Variants in MLLT3 observed in about 807,000 individuals in gnomAD.
The protein encoded by MLLT3 is protein AF-9.
In MLLT3, 4 loss-of-function variants were observed where a neutral mutation model predicts 53.2. The ratio of observed to expected loss-of-function variants is 0.08; its 90% CI spans 0.04 to 0.17. The LOEUF (loss-of-function observed/expected upper bound fraction) is 0.17. MLLT3 is among the 10% of genes least tolerant of loss of function. The pLI is 1.00. For missense variants in MLLT3, 569 were observed against 684.0 expected (o/e 0.83, Z 1.87); for synonymous variants, 283 against 230.6 (o/e 1.23, Z -2.06).
intron 2 of MLLT3, among the ~76,000 whole-genome samples, chr9:20,512,366 T>C (rs1020882006): frequency 2.0e-5 from 3 of 152,316 alleles, no homozygotes; most frequent in African/African-American, 7.2e-5. Context: ...TATGTTCTCC[T>C]AACCTTAAAA....
At chr9:20,444,442 G>T (rs1423202390) in intron 4 of MLLT3, among the ~76,000 whole-genome samples, 1 of 151,994 alleles carries the variant, frequency 6.6e-6, no homozygotes, top group Non-Finnish European at 1.5e-5. Context: ...AAAGAATAAA[G>T]ATCTCAAAGG....
intron 2 of MLLT3, among the ~76,000 whole-genome samples, chr9:20,489,034 T>C (rs1824882043): frequency 6.6e-6 from 1 of 152,186 alleles, no homozygotes; most frequent in Non-Finnish European, 1.5e-5. Context: ...TTTTAGACAG[T>C]ATCTAAGTGT....
intron 5 of MLLT3, among the ~76,000 whole-genome samples, chr9:20,393,704 A>G (rs1822249373): frequency 6.6e-6 from 1 of 152,194 alleles, no homozygotes; most frequent in African/African-American, 2.4e-5. Context: ...AAGTAATGCT[A>G]GTTGACAGAG....
At chr9:20,590,075 T>C (rs548035544) in intron 2 of MLLT3, among the ~76,000 whole-genome samples, 16 of 152,268 alleles carry the variant, frequency 1.1e-4, no homozygotes, top group South Asian at 8.3e-4. Context: ...GAACAGCCCA[T>C]TTACAAAGTC....
chr9:20,401,067 G>C (rs185499411), intron 5 of MLLT3, among the ~76,000 whole-genome samples: 1 of 152,104 alleles, frequency 6.6e-6, no homozygotes, highest in African/African-American at 2.4e-5. Flanking sequence ...GAGAAAAAGG[G>C]AGAGTCACAG....
Position 20,622,298 on chromosome 9 carries a change from C to A in MLLT3, c.-42G>T. 3.3e-6 allele frequency: 5 copies of A among 1,508,914 alleles called. No homozygotes were observed. The highest frequency in any genetic ancestry group is 4.5e-6 in the Non-Finnish European group (5 of 1,121,160). 93.5% of individuals were successfully genotyped at this position (1,508,914 alleles called of 1,614,324 possible). On this transcript the variant is annotated 5_prime_UTR_variant, in exon 1 of 11. Coordinates refer to ENST00000380338, the MANE Select transcript of MLLT3 (RefSeq NM_004529.4). ...GTTTGCTGGGGTGTTGTGTGGTACC[C>A]CCCCCTCCTCCGCCCCCCCTCAGCT...
chr9:20,608,912 T>A (rs529271611), intron 2 of MLLT3, among the ~76,000 whole-genome samples: 14 of 152,116 alleles, frequency 9.2e-5, no homozygotes, highest in African/African-American at 3.1e-4. Context: ...ACGATAGTAT[T>A]TCTTCCCATC....
At position 20,407,484 on chromosome 9, in the gene MLLT3, T is replaced by C. The variant is rs76880072; in HGVS notation, c.1125+6237A>G. 2.2e-3 allele frequency among the ~76,000 whole-genome samples: 330 copies of C among 152,294 alleles called. 2 individuals carry two copies. The highest frequency in any genetic ancestry group is 7.4e-3 in the African/African-American group (308 of 41,560). The stretch of plus-strand genomic sequence containing the variant: ...CCTGTCACCTCCTGAAGGCCACTGG[T>C]AAAGCCCAAACCAATAGGTCAAAGA... On this transcript the variant is annotated intron_variant, in intron 5 of 10. Coordinates refer to ENST00000380338, the MANE Select transcript of MLLT3 (RefSeq NM_004529.4).
chr9:20,512,698 T>A (rs1236512382), intron 2 of MLLT3, among the ~76,000 whole-genome samples: 4 of 152,240 alleles, frequency 2.6e-5, no homozygotes, highest in Non-Finnish European at 2.9e-5. Flanking sequence ...CAGCTGATTT[T>A]ATTTTCAAGA....
chr9:20,421,679 T>C (rs1236133801), intron 4 of MLLT3, among the ~76,000 whole-genome samples: 2 of 152,204 alleles, frequency 1.3e-5, no homozygotes, highest in African/African-American at 4.8e-5. Context: ...TCTACTTCTC[T>C]ACATTAACTG....
At chr9:20,401,802 GT>G (rs1822463421) in intron 5 of MLLT3, among the ~76,000 whole-genome samples, 2 of 152,126 alleles carry the variant, frequency 1.3e-5, no homozygotes. Context: ...GCATGTTACT[GT>G]TATAATAAAA....
chr9:20,498,519 T>C (rs943964197), intron 2 of MLLT3, among the ~76,000 whole-genome samples: 3 of 152,216 alleles, frequency 2.0e-5, no homozygotes, highest in Admixed American at 6.5e-5. Context: ...TCATATAATC[T>C]AGATCAAGCT....
intron 2 of MLLT3, among the ~76,000 whole-genome samples, chr9:20,541,117 G>T (rs1197245676): frequency 6.6e-6 from 1 of 152,266 alleles, no homozygotes; most frequent in Non-Finnish European, 1.5e-5. Flanking sequence ...CTTTACTCCA[G>T]TTCCCAATAA....
At chr9:20,517,732 G>C (rs1386230916) in intron 2 of MLLT3, among the ~76,000 whole-genome samples, 1 of 151,968 alleles carries the variant, frequency 6.6e-6, no homozygotes, top group African/African-American at 2.4e-5. Flanking sequence ...AGCTACTTGG[G>C]AAGCTGAGGC....
chr9:20,539,984 A>G (rs1226621271), intron 2 of MLLT3, among the ~76,000 whole-genome samples: 1 of 152,232 alleles, frequency 6.6e-6, no homozygotes, highest in Non-Finnish European at 1.5e-5. Context: ...CCAAAAGGGA[A>G]AAAGTGCCCA....
intron 3 of MLLT3, among the ~76,000 whole-genome samples, chr9:20,450,303 T>C (rs1823807584): frequency 6.6e-6 from 1 of 152,162 alleles, no homozygotes; most frequent in South Asian, 2.1e-4. Flanking sequence ...TCATTTGATG[T>C]CCTCCCTGAT....
At chr9:20,549,478 C>G (rs985661436) in intron 2 of MLLT3, among the ~76,000 whole-genome samples, 1 of 152,066 alleles carries the variant, frequency 6.6e-6, no homozygotes, top group African/African-American at 2.4e-5. Context: ...GTGCCAGGAA[C>G]TGTCCTAAGC....
Position 20,620,615 on chromosome 9 carries a change from G to C in MLLT3, c.193+39C>G, listed in dbSNP as rs771260789. Reference sequence around the variant, plus strand: ...GCCCGGGCCAAGCGATTGTTTCAAAGACATTTTTTATCAAGACCCTTTTGT... The same window carrying C: ...GCCCGGGCCAAGCGATTGTTTCAAACACATTTTTTATCAAGACCCTTTTGT... On this transcript the variant is annotated intron_variant, in intron 2 of 10. Transcript: ENST00000380338. The surrounding 1 kb of genome is among the most constrained non-coding windows in gnomAD (Gnocchi z 6.1). The C allele has an allele frequency of 1.9e-6, 3 of 1,586,280 alleles. No homozygotes were observed. The highest frequency in any genetic ancestry group is 2.6e-6 in the Non-Finnish European group (3 of 1,160,320).
intron 7 of MLLT3, among the ~76,000 whole-genome samples, chr9:20,361,378 A>G (rs1821318118): frequency 6.6e-6 from 1 of 152,194 alleles, no homozygotes; most frequent in Non-Finnish European, 1.5e-5. Flanking sequence ...GGAAGAAGCA[A>G]CCACATAAAT....
Sources: allele counts gnomAD v4.1 joint callset (sites outside exome capture counted in the v4.1 genomes callset), GRCh38; gene constraint gnomAD v4.1.1; non-coding constraint Gnocchi (gnomAD v3.1); transcripts MANE v1.5; gene names NCBI Gene and HGNC (gene_info 2026-07-23, HGNC 2026-07-21).